The following DGKD variants were observed in gnomAD, a reference collection of about 807,000 sequenced individuals.
DGKD encodes diacylglycerol kinase delta.
Under a neutral mutation model 154.4 loss-of-function variants are expected in DGKD, and 68 were observed. The ratio of observed to expected loss-of-function variants is 0.44; its 90% confidence interval spans 0.36 to 0.54. DGKD has a LOEUF of 0.54. Among genes scored for constraint, DGKD ranks in the 20% least tolerant of loss-of-function variants. The pLI is 0.00. For synonymous variants in DGKD, 693 were observed against 638.0 expected (o/e 1.09, Z -1.30); for missense variants, 1,343 against 1,593.6 (o/e 0.84, Z 2.68).
chr2:233,470,437 C>T lies in DGKD; in HGVS notation c.*977C>T, dbSNP rs2971872. 2.0e-5 allele frequency: 3 copies of T among 152,382 alleles called. No individual in the cohort carries two copies. Among genetic ancestry groups the T allele is most frequent in the Admixed American group, 6.5e-5 (1 of 15,304 alleles). The allele number at this position is 152,382 out of a possible 1,614,324, so 9.4% of individuals were successfully genotyped here. ...TCCGGTGGCCTGGAGGCCGGAGGCT[C>T]TCCTGAGTGTCTGCCCCTGCAGTGG... On this transcript the variant is annotated 3_prime_UTR_variant, in exon 30 of 30. Transcript: ENST00000264057.
chr2:233,453,721 G>A (rs887175193), intron 18 of DGKD, among the ~76,000 whole-genome samples: 1 of 152,210 alleles, frequency 6.6e-6, no homozygotes, highest in African/African-American at 2.4e-5. Flanking sequence ...CCCTCGGGGG[G>A]AAACCCCAGT....
intron 10 of DGKD, chr2:233,442,278 G>A (rs746591920): frequency 8.1e-5 from 45 of 552,934 alleles, no homozygotes; most frequent in Non-Finnish European, 1.4e-4. Context: ...GGGGAGCAGG[G>A]CTGGGTGGGG....
chr2:233,373,137 A>G (rs1013659133), intron 1 of DGKD, among the ~76,000 whole-genome samples: 5 of 152,214 alleles, frequency 3.3e-5, no homozygotes, highest in African/African-American at 7.2e-5. Flanking sequence ...GAAAGTGGCA[A>G]TGTGCATGGC....
At chr2:233,408,382 C>G (rs962082543) in intron 3 of DGKD, among the ~76,000 whole-genome samples, 3 of 152,250 alleles carry the variant, frequency 2.0e-5, no homozygotes, top group Non-Finnish European at 2.9e-5. Context: ...AAGACTCTTC[C>G]TAATTGCTGC....
intron 1 of DGKD, among the ~76,000 whole-genome samples, chr2:233,380,679 TG>T (rs942955472): frequency 2.6e-5 from 4 of 151,664 alleles, no homozygotes; most frequent in East Asian, 1.9e-4. Context: ...TGTGTGTGTG[TG>T]GGGGGGTGTT....
At chr2:233,462,509 C>T in intron 25 of DGKD, 50 bp downstream of exon 25, 1 of 1,555,128 alleles carries the variant, frequency 6.4e-7, no homozygotes, top group Non-Finnish European at 8.8e-7. Flanking sequence ...TGTCTGCCGC[C>T]CTCGGCCCTC....
intron 29 of DGKD, 124 bp downstream of exon 29, chr2:233,468,677 A>C: frequency 6.8e-7 from 1 of 1,461,182 alleles, no homozygotes; most frequent in South Asian, 1.3e-5. Context: ...TTTCGTGTAT[A>C]CCTCAGGTGG....
intron 1 of DGKD, among the ~76,000 whole-genome samples, chr2:233,367,958 C>T (rs1278708470): frequency 6.8e-6 from 1 of 146,502 alleles, no homozygotes; most frequent in African/African-American, 2.5e-5. Context: ...TCCCAAAGTT[C>T]TGGGATTACA....
At chr2:233,419,464 G>T in intron 3 of DGKD, 5 of 984,698 alleles carry the variant, frequency 5.1e-6, no homozygotes, top group South Asian at 4.7e-5. Flanking sequence ...CTGGGAGGCT[G>T]TTGGGTGGTG....
chr2:233,396,071 A>G (rs73115389), intron 3 of DGKD, among the ~76,000 whole-genome samples: 2,267 of 152,300 alleles, frequency 0.015, 54 homozygotes, highest in African/African-American at 0.051. Flanking sequence ...ATCAAATACG[A>G]TATTTTATTA....
chr2:233,371,101 A>G (rs1189793623), intron 1 of DGKD, among the ~76,000 whole-genome samples: 1 of 152,058 alleles, frequency 6.6e-6, no homozygotes, highest in African/African-American at 2.4e-5. Flanking sequence ...AAATTGCTGG[A>G]TAATTCTGTG....
At chr2:233,393,334 CTT>C (rs61587988) in intron 3 of DGKD, among the ~76,000 whole-genome samples, 129 of 103,820 alleles carry the variant, frequency 1.2e-3, no homozygotes, top group Admixed American at 1.3e-3. Flanking sequence ...GGCCTGTTTC[CTT>C]TTTTTTTTTT....
At chr2:233,403,868 C>T (rs2125492531) in intron 3 of DGKD, among the ~76,000 whole-genome samples, 1 of 152,210 alleles carries the variant, frequency 6.6e-6, no homozygotes, top group South Asian at 2.1e-4. Flanking sequence ...TCTCGAACTC[C>T]TGACCTCGTG....
In DGKD at chr2:233,432,125, C is replaced by T. The variant is rs189699088; in HGVS notation, c.349-2255C>T. On this transcript the variant is annotated intron_variant, in intron 3 of 29. Coordinates refer to ENST00000264057, the MANE Select transcript of DGKD (RefSeq NM_152879.3). ...ATTTGCAAACTGCCAGGCGTGGTGG[C>T]TCATGCCTGTAATCCCAGCACTTTG... Among the ~76,000 whole-genome samples, 673 of 143,998 alleles carry T rather than the reference C, an allele frequency of 4.7e-3. 6 individuals are homozygous for T. Among genetic ancestry groups the T allele is most frequent in the Non-Finnish European group, 4.6e-3 (314 of 67,920 alleles). The allele number at this position is 143,998 out of a possible 152,430, so 94.5% of individuals were successfully genotyped here.
intron 1 of DGKD, among the ~76,000 whole-genome samples, chr2:233,357,770 C>G (rs1351349939): frequency 6.6e-6 from 1 of 151,962 alleles, no homozygotes; most frequent in Non-Finnish European, 1.5e-5. Flanking sequence ...CTCCTGAGCT[C>G]AAGTAATACA....
rs1403802852 is a variant in DGKD at position 233,436,544 on chromosome 2, A to T, written c.819+103A>T. 4.1e-6 allele frequency: 6 copies of T among 1,458,996 alleles called. No homozygotes were observed. In the East Asian group the frequency reaches 1.2e-4, roughly 29 times the overall value. The allele number at this position is 1,458,996 out of a possible 1,614,324, so 90.4% of individuals were successfully genotyped here. A position where few individuals can be genotyped will look rare whatever the true frequency, so the allele number is the denominator to read the frequency against. On this transcript the variant is annotated intron_variant, in intron 7 of 29. Transcript: ENST00000264057. ...ATGATCTGCTGGATCCTGGTAAATT[A>T]ATCCCAGAGGCCCCTCCGGCTGAGA...
intron 3 of DGKD, among the ~76,000 whole-genome samples, chr2:233,419,045 A>G (rs1028661079): frequency 3.9e-5 from 6 of 152,118 alleles, no homozygotes; most frequent in Admixed American, 3.3e-4. Context: ...GCTTCCAGGT[A>G]GGGAATTGTG....
At chr2:233,379,876 G>T (rs1452070655) in intron 1 of DGKD, 1 of 152,138 alleles carries the variant, frequency 6.6e-6, no homozygotes, top group Non-Finnish European at 1.5e-5. Flanking sequence ...TGAGAATGGG[G>T]TAGAGAATAG....
intron 3 of DGKD, among the ~76,000 whole-genome samples, chr2:233,408,008 A>G (rs570035755): frequency 6.6e-6 from 1 of 151,588 alleles, no homozygotes; most frequent in South Asian, 2.1e-4. Context: ...CAAAATTCCT[A>G]AGCCAGTTAA....
Sources: gnomAD v4.1 joint callset for allele counts (sites outside exome capture counted in the v4.1 genomes callset) on GRCh38, gnomAD v4.1.1 for gene constraint, MANE v1.5 for transcripts, NCBI Gene and HGNC (gene_info 2026-07-23, HGNC 2026-07-21) for gene names.